PDE3A: variants seen among roughly 807,000 people sequenced by gnomAD.
PDE3A encodes the protein cGMP-inhibited 3',5'-cyclic phosphodiesterase 3A.
A neutral mutation model predicts 98.3 loss-of-function variants in PDE3A; 43 were observed. That is an observed-to-expected ratio of 0.44 (90% CI 0.34 to 0.56). The LOEUF (loss-of-function observed/expected upper bound fraction) is 0.56, where lower values mean the gene tolerates loss of function less well. Ranked by LOEUF, PDE3A falls within the 20% of genes least tolerant of loss-of-function variation. PDE3A has a pLI of 0.01. For missense variants in PDE3A, 1,427 were observed against 1,440.7 expected (o/e 0.99, Z 0.15); for synonymous variants, 663 against 567.9 (o/e 1.17, Z -2.38).
intron 15 of PDE3A, among the ~76,000 whole-genome samples, chr12:20,668,005 C>T (rs777835921): frequency 2.6e-5 from 4 of 152,100 alleles, no homozygotes; most frequent in Non-Finnish European, 4.4e-5. Context: ...CGTGCGCGAG[C>T]CAAAGCAGGG....
chr12:20,406,370 T>C (rs1158576560), intron 1 of PDE3A, among the ~76,000 whole-genome samples: 1 of 152,188 alleles, frequency 6.6e-6, no homozygotes, highest in Non-Finnish European at 1.5e-5. Context: ...AGGGTTCCCG[T>C]TTTTCCACAC....
At chr12:20,426,086 A>C (rs1481793911) in intron 1 of PDE3A, among the ~76,000 whole-genome samples, 1 of 152,198 alleles carries the variant, frequency 6.6e-6, no homozygotes, top group Non-Finnish European at 1.5e-5. Context: ...AATATTCAAG[A>C]CTTCTTGGAA....
chr12:20,669,956 T>C (rs1450237110), intron 15 of PDE3A, among the ~76,000 whole-genome samples: 1 of 151,888 alleles, frequency 6.6e-6, no homozygotes, highest in Non-Finnish European at 1.5e-5. Context: ...AGGAAACCCA[T>C]CTCACGTGCA....
In PDE3A at chr12:20,687,362, A is replaced by G. The variant is rs917730413; in HGVS notation, c.*7091A>G. Among the ~76,000 whole-genome samples the G allele has an allele frequency of 2.0e-5, 3 of 152,032 alleles. No homozygotes were observed. Among genetic ancestry groups the G allele is most frequent in the Non-Finnish European group, 2.9e-5 (2 of 67,936 alleles). ...TTGCTAACTTTAATAATTCTACCAT[A>G]TCTATATATTACCTGTTAGTGAGGT... On this transcript the variant is annotated 3_prime_UTR_variant, in exon 16 of 16. Coordinates refer to ENST00000359062, the MANE Select transcript of PDE3A (RefSeq NM_000921.5).
chr12:20,515,699 ATTATTTATTTATTTAT>A (rs58454608), intron 1 of PDE3A, among the ~76,000 whole-genome samples: 27,693 of 141,002 alleles, frequency 0.2, 2,768 homozygotes, highest in South Asian at 0.24. Context: ...CTCACACTGT[ATTATTTATTTATTTAT>A]TTATTTATTT....
At chr12:20,658,494 G>A (rs753803484) in intron 15 of PDE3A, among the ~76,000 whole-genome samples, 5 of 152,198 alleles carry the variant, frequency 3.3e-5, no homozygotes, top group Non-Finnish European at 5.9e-5. Flanking sequence ...CAACGAAGGC[G>A]TTATTCAAGA....
intron 1 of PDE3A, among the ~76,000 whole-genome samples, chr12:20,510,417 G>C (rs1013025660): frequency 6.6e-6 from 1 of 152,044 alleles, no homozygotes; most frequent in African/African-American, 2.4e-5. Flanking sequence ...TAGTACAGTA[G>C]AGAAATGGAT....
At position 20,646,995 on chromosome 12, in the gene PDE3A, T is replaced by C. The variant is rs769574674; in HGVS notation, c.2565+45T>C. The C allele has an allele frequency of 4.3e-6, 6 of 1,382,774 alleles. No homozygotes were observed. In the East Asian group the frequency reaches 1.1e-4, roughly 26 times the overall value. The allele number at this position is 1,382,774 out of a possible 1,614,324, so 85.7% of individuals were successfully genotyped here. A position where few individuals can be genotyped will look rare whatever the true frequency, so the allele number is the denominator to read the frequency against. ...TTAGGAGAACTAATTTAAAGATTTC[T>C]CAAGAAAGTGAAGTTCAGTGTGATT... On this transcript the variant is annotated intron_variant, in intron 12 of 15. Coordinates refer to ENST00000359062, the MANE Select transcript of PDE3A (RefSeq NM_000921.5).
At chr12:20,518,217 A>G (rs2121140306) in intron 1 of PDE3A, among the ~76,000 whole-genome samples, 1 of 152,310 alleles carries the variant, frequency 6.6e-6, no homozygotes, top group Non-Finnish European at 1.5e-5. Context: ...TTATAAAGAG[A>G]GATCTTCTCA....
intron 15 of PDE3A, among the ~76,000 whole-genome samples, chr12:20,661,890 T>C (rs1233068873): frequency 3.0e-5 from 1 of 33,842 alleles, no homozygotes; most frequent in African/African-American, 6.1e-5. Flanking sequence ...CAGTGCCTAA[T>C]GGAACTGTGA....
chr12:20,659,317 A>G (rs1023197113), intron 15 of PDE3A, among the ~76,000 whole-genome samples: 1 of 152,144 alleles, frequency 6.6e-6, no homozygotes, highest in Non-Finnish European at 1.5e-5. Flanking sequence ...TATTCTGTAC[A>G]GTACAAGAAA....
At chr12:20,644,269 C>A (rs1052160857) in intron 10 of PDE3A, among the ~76,000 whole-genome samples, 1 of 152,100 alleles carries the variant, frequency 6.6e-6, no homozygotes, top group Admixed American at 6.5e-5. Flanking sequence ...TGGGAGAAAG[C>A]TGGTGATCTA....
rs1209581538 is a variant in PDE3A, at chr12:20,652,485, G to A, written c.2926-1462G>A. Among the ~76,000 whole-genome samples, 269 of 152,208 alleles carry A rather than the reference G, an allele frequency of 1.8e-3. 1 individual carries two copies. Among genetic ancestry groups the A allele is most frequent in the Non-Finnish European group, 8.2e-4 (56 of 68,010 alleles). The stretch of plus-strand genomic sequence containing the variant: ...TCTAACTGGTGTGAGATGGTATCTC[G>A]TTGTGGTTTTGATTTGCATTTCACT... On this transcript the variant is annotated intron_variant, in intron 14 of 15. Transcript: ENST00000359062.
At chr12:20,669,876 A>C (rs1945424565) in intron 15 of PDE3A, among the ~76,000 whole-genome samples, 1 of 151,946 alleles carries the variant, frequency 6.6e-6, no homozygotes, top group Non-Finnish European at 1.5e-5. Context: ...AAATGGACTA[A>C]ATGCTCCAAT....
At chr12:20,555,559 A>G (rs1319236731) in intron 1 of PDE3A, among the ~76,000 whole-genome samples, 1 of 152,216 alleles carries the variant, frequency 6.6e-6, no homozygotes, top group African/African-American at 2.4e-5. Context: ...TTCATCTGAC[A>G]TAACTGATTA....
In PDE3A at chr12:20,652,562, G is replaced by GCAAAAGAC. The variant is rs1565463928; in HGVS notation, c.2926-1385_2926-1384insCAAAAGAC. Among the ~76,000 whole-genome samples the GCAAAAGAC allele has an allele frequency of 9.9e-5, 15 of 152,258 alleles. No homozygotes were observed. The South Asian group carries it at 3.1e-3, about 32-fold the overall frequency. On this transcript the variant is annotated intron_variant, in intron 14 of 15. Transcript: ENST00000359062. ...TCATGTGTCTTTTGGCTGCATAAAT[G>GCAAAAGAC]TCTTCTTTTGAGAAGTGTCTGTTCA...
At chr12:20,526,238 T>A (rs573453040) in intron 1 of PDE3A, among the ~76,000 whole-genome samples, 7 of 152,206 alleles carry the variant, frequency 4.6e-5, no homozygotes, top group Non-Finnish European at 1.0e-4. Context: ...ATTATTTTTC[T>A]CTCTATTGAT....
chr12:20,591,586 G>C (rs928738505), intron 2 of PDE3A, among the ~76,000 whole-genome samples: 1 of 152,208 alleles, frequency 6.6e-6, no homozygotes, highest in African/African-American at 2.4e-5. Context: ...TATGTGCATT[G>C]TTAGGGATCA....
chr12:20,677,338 CTG>C (rs1349655215), intron 15 of PDE3A, among the ~76,000 whole-genome samples: 1 of 152,086 alleles, frequency 6.6e-6, no homozygotes, highest in East Asian at 1.9e-4. Context: ...TCATTGGAAT[CTG>C]TTGCTGGAGG....
Sources: allele counts gnomAD v4.1 joint callset (sites outside exome capture counted in the v4.1 genomes callset), GRCh38; gene constraint gnomAD v4.1.1; transcripts MANE v1.5; gene names NCBI Gene and HGNC (gene_info 2026-07-23, HGNC 2026-07-21).